The following GLIS1 variants were observed in gnomAD, a reference collection of about 807,000 sequenced individuals.
The protein encoded by GLIS1 is zinc finger protein GLIS1.
A neutral mutation model predicts 63.8 loss-of-function variants in GLIS1; 24 were observed. The observed-to-expected ratio is 0.38, with a 90% CI of 0.27 to 0.53. GLIS1 has a LOEUF of 0.53. Ranked by LOEUF, GLIS1 falls within the 20% of genes least tolerant of loss-of-function variation. GLIS1 has a pLI of 0.85. For synonymous variants in GLIS1, 450 were observed against 482.5 expected (o/e 0.93, Z 0.88); for missense variants, 1,036 against 1,074.1 (o/e 0.96, Z 0.50).
intron 6 of GLIS1, among the ~76,000 whole-genome samples, chr1:53,522,138 T>C (rs1306677215): frequency 1.3e-5 from 2 of 152,260 alleles, no homozygotes; most frequent in African/African-American, 2.4e-5. Flanking sequence ...GGCATGTTCT[T>C]GTAGACCGCA....
intron 4 of GLIS1, among the ~76,000 whole-genome samples, chr1:53,590,358 G>A (rs528678603): frequency 7.2e-5 from 11 of 152,186 alleles, no homozygotes; most frequent in South Asian, 6.2e-4. Context: ...CATGCCTTCC[G>A]GACCGTGCTC....
intron 2 of GLIS1, among the ~76,000 whole-genome samples, chr1:53,635,402 ATAAT>A (rs1454697789): frequency 2.6e-5 from 4 of 152,220 alleles, no homozygotes; most frequent in Admixed American, 6.5e-5. Context: ...ATATTTTGAA[ATAAT>A]TAATAATGAA....
chr1:53,683,420 G>A (rs77877080), intron 2 of GLIS1, among the ~76,000 whole-genome samples: 1,704 of 152,262 alleles, frequency 0.011, 24 homozygotes, highest in African/African-American at 0.039. Flanking sequence ...TCAAAGCCTG[G>A]GTTCAAGCTC....
Position 53,526,388 on chromosome 1 carries a change from G to A in GLIS1, c.1483-1501C>T, listed in dbSNP as rs556639170. Among the ~76,000 whole-genome samples the A allele has an allele frequency of 1.3e-5, 2 of 152,300 alleles. No individual in the cohort carries two copies. The highest frequency in any genetic ancestry group is 2.9e-5 in the Non-Finnish European group (2 of 68,016). On this transcript the variant is annotated intron_variant, in intron 5 of 10. Coordinates refer to ENST00000628545, the MANE Select transcript of GLIS1 (RefSeq NM_001367484.1). The surrounding 1 kb of genome is among the most constrained non-coding windows in gnomAD (Gnocchi z 4.4). ...AGAGTTGCCAGATTAAAGAAACGGA[G>A]GAGAGCAAAAAGAGAGAGACAGCAG... is the stretch of plus-strand genomic sequence containing the variant.
At chr1:53,666,937 T>A (rs543863303) in intron 2 of GLIS1, among the ~76,000 whole-genome samples, 3 of 152,346 alleles carry the variant, frequency 2.0e-5, no homozygotes, top group South Asian at 4.1e-4. Flanking sequence ...AGCTGTTTCA[T>A]CTTTGTCTTC....
rs200952109 is a variant in GLIS1 at position 53,720,997 on chromosome 1, C to CA, written c.259+16808dup. ...TGGGTGACAGAACAAGACCCCATCT[C>CA]AAAAAAAAAAAGTTTCTGGCACACA... On this transcript the variant is annotated intron_variant, in intron 2 of 10. Transcript: ENST00000628545. 8.8e-4 allele frequency among the ~76,000 whole-genome samples: 116 copies of CA among 132,176 alleles called. 1 individual carries two copies. Among genetic ancestry groups the CA allele is most frequent in the African/African-American group, 2.5e-3 (88 of 35,794 alleles). 86.7% of individuals were successfully genotyped at this position (132,176 alleles called of 152,430 possible). A position where few individuals can be genotyped will look rare whatever the true frequency, so the allele number is the denominator to read the frequency against.
At chr1:53,596,980 C>G (rs1645262131) in intron 3 of GLIS1, among the ~76,000 whole-genome samples, 1 of 151,912 alleles carries the variant, frequency 6.6e-6, no homozygotes, top group Admixed American at 6.5e-5. Flanking sequence ...CCTTGGGCAG[C>G]TCCCCTTCCA....
chr1:53,593,522 C>T (rs1052343215), intron 4 of GLIS1, among the ~76,000 whole-genome samples: 2 of 152,218 alleles, frequency 1.3e-5, no homozygotes, highest in Non-Finnish European at 2.9e-5. Flanking sequence ...CCAGGAAGAA[C>T]GCTACTGGTA....
intron 2 of GLIS1, among the ~76,000 whole-genome samples, chr1:53,630,645 GC>G (rs1645642444): frequency 6.6e-6 from 1 of 152,116 alleles, no homozygotes; most frequent in Non-Finnish European, 1.5e-5. Flanking sequence ...ACAGGTGTGT[GC>G]CACCATGGCT....
At chr1:53,546,067 G>A (rs1007046291) in intron 4 of GLIS1, among the ~76,000 whole-genome samples, 3 of 152,266 alleles carry the variant, frequency 2.0e-5, no homozygotes, top group Non-Finnish European at 2.9e-5. Context: ...CATGGTGACA[G>A]TGGTGTGCCT....
intron 2 of GLIS1, among the ~76,000 whole-genome samples, chr1:53,708,399 T>C (rs1451909818): frequency 1.3e-5 from 2 of 152,216 alleles, no homozygotes; most frequent in Non-Finnish European, 2.9e-5. Flanking sequence ...ACAAGGATTA[T>C]TACTCAAAAT....
chr1:53,534,084 G>C (rs978172745), intron 4 of GLIS1, among the ~76,000 whole-genome samples: 1 of 152,016 alleles, frequency 6.6e-6, no homozygotes, highest in Non-Finnish European at 1.5e-5. Flanking sequence ...TTTGGGGTGG[G>C]TGTGGCTTGA....
At chr1:53,510,394 G>A (rs1371453912) in intron 8 of GLIS1, among the ~76,000 whole-genome samples, 2 of 152,150 alleles carry the variant, frequency 1.3e-5, no homozygotes, top group Non-Finnish European at 2.9e-5. Flanking sequence ...TCACCACCGG[G>A]CACGCTGCAG....
intron 2 of GLIS1, among the ~76,000 whole-genome samples, chr1:53,659,757 T>C (rs1203626322): frequency 6.6e-6 from 1 of 152,212 alleles, no homozygotes; most frequent in Non-Finnish European, 1.5e-5. Context: ...TTCATCTACA[T>C]TGAGCCTCAG....
rs116347338 is a variant in GLIS1, at chr1:53,591,021, G to C, written c.1320+3087C>G. On this transcript the variant is annotated intron_variant, in intron 4 of 10. Coordinates refer to ENST00000628545, the MANE Select transcript of GLIS1 (RefSeq NM_001367484.1). The stretch of plus-strand genomic sequence containing the variant: ...GAGGCTTACCTCATGAAAGAACTGT[G>C]GAAACGGCTGCTGGAAAGATAATAA... 7.7e-3 allele frequency among the ~76,000 whole-genome samples: 1,167 copies of C among 152,278 alleles called. 22 individuals carry two copies. Among genetic ancestry groups the C allele is most frequent in the African/African-American group, 0.027 (1,132 of 41,534 alleles).
At chr1:53,534,832 C>T (rs866814723) in intron 4 of GLIS1, among the ~76,000 whole-genome samples, 4 of 152,132 alleles carry the variant, frequency 2.6e-5, no homozygotes, top group Middle Eastern at 3.4e-3. Flanking sequence ...GACCCAAGGG[C>T]GTCAAAGACC....
At chr1:53,707,851 C>G (rs781779180) in intron 2 of GLIS1, among the ~76,000 whole-genome samples, 1 of 151,666 alleles carries the variant, frequency 6.6e-6, no homozygotes, top group Non-Finnish European at 1.5e-5. Flanking sequence ...CCATGTCTGG[C>G]CAACATGTAT....
intron 2 of GLIS1, among the ~76,000 whole-genome samples, chr1:53,618,801 A>G (rs1482602371): frequency 6.6e-6 from 1 of 152,222 alleles, no homozygotes; most frequent in Admixed American, 6.5e-5. Flanking sequence ...TCATGCAAGT[A>G]GGGCTCCCTA....
intron 4 of GLIS1, among the ~76,000 whole-genome samples, chr1:53,532,588 C>T (rs992563119): frequency 2.6e-5 from 4 of 152,242 alleles, no homozygotes; most frequent in African/African-American, 7.2e-5. Context: ...ACCTCCCTTG[C>T]TCGCCTGCAA....
Sources: gnomAD v4.1 joint callset for allele counts (sites outside exome capture counted in the v4.1 genomes callset) on GRCh38, gnomAD v4.1.1 for gene constraint, Gnocchi (gnomAD v3.1) non-coding constraint, MANE v1.5 for transcripts, NCBI Gene and HGNC (gene_info 2026-07-23, HGNC 2026-07-21) for gene names.